SNX29: variants seen among roughly 807,000 people sequenced by gnomAD.
The protein encoded by SNX29 is sorting nexin 29, also known as sorting nexin-29.
In SNX29, 78 loss-of-function variants were observed where a neutral mutation model predicts 102.1. The ratio of observed to expected loss-of-function variants is 0.76; its 90% CI spans 0.64 to 0.92. The LOEUF is 0.92. SNX29 is among the 40% of genes least tolerant of loss of function. SNX29 has a pLI of 0.00. For missense variants in SNX29, 1,280 were observed against 1,061.7 expected (o/e 1.21, Z -2.86); for synonymous variants, 580 against 414.5 (o/e 1.40, Z -4.85).
intron 20 of SNX29, among the ~76,000 whole-genome samples, chr16:12,550,608 T>C (rs2077913418): frequency 6.6e-6 from 1 of 151,704 alleles, no homozygotes; most frequent in African/African-American, 2.4e-5. Context: ...CTTCTATGTG[T>C]AATGTATACC....
At chr16:12,370,609 C>T (rs2082647580) in intron 16 of SNX29, among the ~76,000 whole-genome samples, 1 of 152,176 alleles carries the variant, frequency 6.6e-6, no homozygotes, top group Admixed American at 6.5e-5. Context: ...CTTGGGCCAT[C>T]AGTCACGTAG....
chr16:12,326,110 C>T (rs915270644), intron 15 of SNX29, among the ~76,000 whole-genome samples: 4 of 151,906 alleles, frequency 2.6e-5, no homozygotes, highest in African/African-American at 4.8e-5. Context: ...ACTGCAACCT[C>T]TGCCTCCCGG....
Position 12,225,075 on chromosome 16 carries a change from C to G in SNX29, c.1678+25392C>G, listed in dbSNP as rs138598139. 1.3e-3 allele frequency among the ~76,000 whole-genome samples: 199 copies of G among 152,262 alleles called. 1 individual carries two copies. In the South Asian group the frequency reaches 0.019, roughly 14 times the overall value. ...AGAAATCTTTCTAACATCTGTTATT[C>G]TAACAAACAGTGCCTTTGGTATTGA... On this transcript the variant is annotated intron_variant, in intron 14 of 20. Transcript: ENST00000566228.
intron 15 of SNX29, among the ~76,000 whole-genome samples, chr16:12,291,784 G>A (rs949043977): frequency 6.6e-6 from 1 of 152,346 alleles, no homozygotes; most frequent in East Asian, 1.9e-4. Flanking sequence ...TGGATCCCCA[G>A]ATGAAAACTG....
intron 15 of SNX29, among the ~76,000 whole-genome samples, chr16:12,354,943 T>G (rs2082089662): frequency 6.6e-6 from 1 of 152,216 alleles, no homozygotes; most frequent in Admixed American, 6.5e-5. Context: ...TATTTCATAT[T>G]TCACACTGGT....
chr16:12,290,294 C>A (rs780661516), intron 15 of SNX29, among the ~76,000 whole-genome samples: 4 of 152,206 alleles, frequency 2.6e-5, no homozygotes, highest in Non-Finnish European at 5.9e-5. Context: ...CACTGCAGAC[C>A]TTCACACAGG....
intron 14 of SNX29, among the ~76,000 whole-genome samples, chr16:12,208,047 G>A (rs1216291091): frequency 1.3e-5 from 2 of 152,198 alleles, no homozygotes; most frequent in African/African-American, 2.4e-5. Flanking sequence ...TGATGTAGAT[G>A]GAAAGAGCAT....
At chr16:12,158,617 C>A (rs2055654792) in intron 13 of SNX29, among the ~76,000 whole-genome samples, 1 of 152,196 alleles carries the variant, frequency 6.6e-6, no homozygotes, top group South Asian at 2.1e-4. Context: ...CACATTAGTT[C>A]TTTTCTTGAA....
intron 18 of SNX29, among the ~76,000 whole-genome samples, chr16:12,472,293 G>C (rs1161534567): frequency 6.6e-6 from 1 of 152,098 alleles, no homozygotes; most frequent in Non-Finnish European, 1.5e-5. Flanking sequence ...GGCCGAGGTG[G>C]GTAGATCACC....
intron 20 of SNX29, among the ~76,000 whole-genome samples, chr16:12,560,115 A>G (rs891604187): frequency 1.3e-5 from 2 of 150,850 alleles, no homozygotes; most frequent in South Asian, 2.2e-4. Flanking sequence ...TTGACAAGCT[A>G]TTCTAGTTCT....
chr16:12,350,121 CGT>C (rs1161056248), intron 15 of SNX29, among the ~76,000 whole-genome samples: 33 of 152,012 alleles, frequency 2.2e-4, no homozygotes, highest in Admixed American at 1.6e-3. Flanking sequence ...AGTCACTTGC[CGT>C]GTGTGTGTGG....
At chr16:12,032,589 G>A (rs140010608) in intron 4 of SNX29, among the ~76,000 whole-genome samples, 2,106 of 152,144 alleles carry the variant, frequency 0.014, 38 homozygotes, top group African/African-American at 0.048. Context: ...TGACAGTTGG[G>A]TGTCTTCCAC....
intron 4 of SNX29, among the ~76,000 whole-genome samples, chr16:12,042,113 C>G (rs2049902893): frequency 6.6e-6 from 1 of 152,154 alleles, no homozygotes; most frequent in African/African-American, 2.4e-5. Flanking sequence ...TCACTGCAAC[C>G]TCCGCCTCCT....
Position 12,573,117 on chromosome 16 carries a change from A to C in SNX29, c.*4488A>C. 1 of 229,582 alleles carries C rather than the reference A, an allele frequency of 4.4e-6. No homozygotes were observed. Among genetic ancestry groups the C allele is most frequent in the Non-Finnish European group, 8.6e-6 (1 of 116,026 alleles). The allele number at this position is 229,582 out of a possible 1,614,324, so 14.2% of individuals were successfully genotyped here. On this transcript the variant is annotated 3_prime_UTR_variant, in exon 21 of 21. Transcript: ENST00000566228. Reference sequence around the variant, plus strand: ...TCATCTTTATGTTTTTCTAATACACAATCTTGATCTTGTTTCCAAAATAAA... The same window carrying C: ...TCATCTTTATGTTTTTCTAATACACCATCTTGATCTTGTTTCCAAAATAAA...
intron 15 of SNX29, among the ~76,000 whole-genome samples, chr16:12,343,371 C>T (rs186712605): frequency 1.6e-3 from 238 of 152,336 alleles, no homozygotes; most frequent in African/African-American, 5.0e-3. Context: ...AACCTATTCT[C>T]GGAGATAAAG....
intron 9 of SNX29, among the ~76,000 whole-genome samples, chr16:12,063,152 A>C (rs1165412058): frequency 2.0e-5 from 3 of 152,138 alleles, no homozygotes; most frequent in Admixed American, 2.0e-4. Context: ...TTTGAGATCC[A>C]CAGTGAAGGC....
chr16:12,174,256 C>A (rs2076212515), intron 13 of SNX29, among the ~76,000 whole-genome samples: 1 of 152,212 alleles, frequency 6.6e-6, no homozygotes, highest in African/African-American at 2.4e-5. Flanking sequence ...AGCGTCTCCC[C>A]TGTGCTTCTG....
chr16:12,182,730 G>GA lies in SNX29; in HGVS notation c.1596-16870dup, dbSNP rs552869068. On this transcript the variant is annotated intron_variant, in intron 13 of 20. Transcript: ENST00000566228. Reference sequence around the variant, plus strand: ...GGATCACTTGAGGTCAGGAGTTCGAGACCAGCCTGACCAACATGGTGAAAC... The same window carrying GA: ...GGATCACTTGAGGTCAGGAGTTCGAGAACCAGCCTGACCAACATGGTGAAAC... Among the ~76,000 whole-genome samples the GA allele has an allele frequency of 1.1e-4, 17 of 152,062 alleles. No individual in the cohort carries two copies. In the East Asian group the frequency reaches 3.1e-3, roughly 28 times the overall value.
chr16:12,358,107 AGT>A (rs1567474747), intron 16 of SNX29, among the ~76,000 whole-genome samples: 5 of 152,200 alleles, frequency 3.3e-5, no homozygotes, highest in Non-Finnish European at 1.5e-5. Context: ...TCAGTACCTA[AGT>A]GTGAAATTGC....
Sources: gnomAD v4.1 joint callset for allele counts (sites outside exome capture counted in the v4.1 genomes callset) on GRCh38, gnomAD v4.1.1 for gene constraint, MANE v1.5 for transcripts, NCBI Gene and HGNC (gene_info 2026-07-23, HGNC 2026-07-21) for gene names.